The following CIMIP7 variants were observed in gnomAD, a reference collection of about 807,000 sequenced individuals.
CIMIP7 encodes ciliary microtubule inner protein 7, also known as uncharacterized protein C3orf84.
At chr3:49,178,024 C>G in the CIMIP7 span, 1 of 1,607,160 alleles carries the variant, frequency 6.2e-7, no homozygotes, top group Non-Finnish European at 8.5e-7. Context: ...CTTCCGCCTT[C>G]CGATTCCCTG....
At chr3:49,191,716 G>A in the CIMIP7 span, 7 of 1,594,642 alleles carry the variant, frequency 4.4e-6, no homozygotes, top group African/African-American at 2.7e-5. Context: ...AGGGCCAGGG[G>A]CCAGGATTAA....
the CIMIP7 span, chr3:49,177,773 C>T: frequency 6.2e-7 from 1 of 1,610,682 alleles, no homozygotes; most frequent in East Asian, 2.2e-5. Context: ...TGGGGCCCTA[C>T]CTTGTAGCTG....
the CIMIP7 span, chr3:49,178,509 C>A: frequency 6.2e-7 from 1 of 1,613,704 alleles, no homozygotes; most frequent in Non-Finnish European, 8.5e-7. Flanking sequence ...GGTTGTCGTG[C>A]TTGGAGAAGA....
the CIMIP7 span, chr3:49,191,623 C>A: frequency 9.1e-7 from 1 of 1,094,954 alleles, no homozygotes; most frequent in Non-Finnish European, 1.4e-6. Flanking sequence ...GTGGGCGGCT[C>A]AGGGTCCTAT....
the CIMIP7 span, among the ~76,000 whole-genome samples, chr3:49,181,676 G>A: frequency 1.3e-5 from 2 of 152,120 alleles, 1 homozygote; most frequent in Admixed American, 1.3e-4. Context: ...TCCAACAGAG[G>A]ACTAGAATAT....
the CIMIP7 span, among the ~76,000 whole-genome samples, chr3:49,182,585 G>A: frequency 6.6e-6 from 1 of 151,578 alleles, no homozygotes; most frequent in African/African-American, 2.4e-5. Flanking sequence ...CCAGACTCAG[G>A]AGCCCAGCTG....
At chr3:49,178,577 G>C in the CIMIP7 span, 1 of 1,576,520 alleles carries the variant, frequency 6.3e-7, no homozygotes, top group South Asian at 1.1e-5. Context: ...TGGGGAAAAT[G>C]ATGCTTATTT....
the CIMIP7 span, among the ~76,000 whole-genome samples, chr3:49,182,691 G>A: frequency 1.3e-5 from 2 of 152,240 alleles, no homozygotes; most frequent in South Asian, 4.1e-4. Context: ...GGTGGTCAAT[G>A]GGACTGGATG....
At chr3:49,177,913 T>G in the CIMIP7 span, 1 of 1,613,730 alleles carries the variant, frequency 6.2e-7, no homozygotes, top group African/African-American at 1.3e-5. Context: ...TGGCCTGAAA[T>G]CAGCCTGGTA....
At chr3:49,186,802 T>C in the CIMIP7 span, among the ~76,000 whole-genome samples, 1 of 152,238 alleles carries the variant, frequency 6.6e-6, no homozygotes, top group Non-Finnish European at 1.5e-5. Context: ...ACTTTAGTGA[T>C]TAAATCAATG....
chr3:49,189,709 T>C, the CIMIP7 span: 1 of 457,454 alleles, frequency 2.2e-6, no homozygotes, highest in South Asian at 1.8e-5. Flanking sequence ...AATCTGAATG[T>C]GAAGGTAGTT....
At chr3:49,179,625 C>T in the CIMIP7 span, among the ~76,000 whole-genome samples, 1 of 152,178 alleles carries the variant, frequency 6.6e-6, no homozygotes, top group African/African-American at 2.4e-5. Flanking sequence ...CTTTTCCTTC[C>T]TTGAGCACTA....
At chr3:49,184,754 G>C in the CIMIP7 span, among the ~76,000 whole-genome samples, 1 of 149,888 alleles carries the variant, frequency 6.7e-6, no homozygotes, top group East Asian at 2.0e-4. Context: ...TCAGCCTCCC[G>C]AGTAGCTATG....
the CIMIP7 span, among the ~76,000 whole-genome samples, chr3:49,182,778 G>A: frequency 1.4e-3 from 213 of 152,272 alleles, 2 homozygotes; most frequent in Middle Eastern, 3.4e-3. Context: ...GGAGGTTCAG[G>A]CATGGCAGGC....
the CIMIP7 span, among the ~76,000 whole-genome samples, chr3:49,187,512 C>T: frequency 6.6e-6 from 1 of 152,058 alleles, no homozygotes; most frequent in Non-Finnish European, 1.5e-5. Flanking sequence ...GAACATGCAC[C>T]CAACCAGACA....
chr3:49,187,104 T>C, the CIMIP7 span, among the ~76,000 whole-genome samples: 1 of 152,202 alleles, frequency 6.6e-6, no homozygotes, highest in Admixed American at 6.5e-5. Context: ...ATTCCTATAG[T>C]GGCAGGATAA....
At chr3:49,182,651 G>A in the CIMIP7 span, among the ~76,000 whole-genome samples, 7 of 152,224 alleles carry the variant, frequency 4.6e-5, no homozygotes, top group Admixed American at 1.3e-4. Context: ...TGCCAGTCCC[G>A]CGCCGTGTGC....
chr3:49,185,999 CTTT>C, the CIMIP7 span, among the ~76,000 whole-genome samples: 24 of 129,148 alleles, frequency 1.9e-4, no homozygotes, highest in Admixed American at 1.6e-4. Context: ...TTTTATAGCT[CTTT>C]TTTTTTTTTT....
the CIMIP7 span, among the ~76,000 whole-genome samples, chr3:49,181,290 C>T: frequency 3.3e-3 from 480 of 143,886 alleles, 11 homozygotes; most frequent in Admixed American, 0.031. Flanking sequence ...TGCAGTGAGC[C>T]GAGATCTCAC....
Sources: allele counts gnomAD v4.1 joint callset (sites outside exome capture counted in the v4.1 genomes callset), GRCh38; gene constraint gnomAD v4.1.1; transcripts MANE v1.5; gene names NCBI Gene and HGNC (gene_info 2026-07-23, HGNC 2026-07-21).